The following KCNH1 variants were observed in gnomAD, a reference collection of about 807,000 sequenced individuals.
KCNH1 encodes the protein potassium voltage-gated channel subfamily H member 1, also known as voltage-gated delayed rectifier potassium channel KCNH1.
KCNH1 carries 27 observed loss-of-function variants against 69.2 expected under a neutral mutation model. The ratio of observed to expected loss-of-function variants is 0.39; its 90% CI spans 0.29 to 0.54. KCNH1 has a LOEUF of 0.54. Among genes scored for constraint, KCNH1 ranks in the 20% least tolerant of loss-of-function variants. KCNH1 has a pLI of 0.68. For synonymous variants in KCNH1, 456 were observed against 487.7 expected (o/e 0.93, Z 0.86); for missense variants, 798 against 1,261.6 (o/e 0.63, Z 5.57).
intron 10 of KCNH1, among the ~76,000 whole-genome samples, chr1:210,747,043 A>C (rs1463716882): frequency 2.6e-5 from 4 of 152,186 alleles, no homozygotes; most frequent in Non-Finnish European, 5.9e-5. Context: ...CCAGAAACTT[A>C]TAAGATTTCA....
chr1:210,780,875 G>A (rs1440833812), intron 9 of KCNH1, among the ~76,000 whole-genome samples: 10 of 152,098 alleles, frequency 6.6e-5, no homozygotes, highest in South Asian at 2.1e-4. Context: ...GTGAAACCCC[G>A]TCTCTACTAA....
At chr1:211,100,489 T>G (rs1454152831) in intron 3 of KCNH1, among the ~76,000 whole-genome samples, 1 of 152,062 alleles carries the variant, frequency 6.6e-6, no homozygotes, top group East Asian at 1.9e-4. Flanking sequence ...GTAGCTGGGA[T>G]TACAGGCACC....
chr1:211,033,251 GTCAGGAAACA>G (rs1689827045), intron 5 of KCNH1, among the ~76,000 whole-genome samples: 1 of 152,220 alleles, frequency 6.6e-6, no homozygotes, highest in Non-Finnish European at 1.5e-5. Flanking sequence ...TCATTAAAAA[GTCAGGAAACA>G]GCAGGTGCTG....
chr1:211,055,678 G>A (rs1026465639), intron 5 of KCNH1, among the ~76,000 whole-genome samples: 1 of 152,258 alleles, frequency 6.6e-6, no homozygotes, highest in African/African-American at 2.4e-5. Context: ...TGAGGAGAGG[G>A]GAGAGTAAAA....
At chr1:210,815,509 G>A (rs1684793659) in intron 7 of KCNH1, among the ~76,000 whole-genome samples, 1 of 152,142 alleles carries the variant, frequency 6.6e-6, no homozygotes, top group African/African-American at 2.4e-5. Flanking sequence ...ATTTTTCTAA[G>A]AGATGGTTTA....
intron 5 of KCNH1, among the ~76,000 whole-genome samples, chr1:211,082,475 T>C (rs1690875686): frequency 6.6e-6 from 1 of 152,182 alleles, no homozygotes; most frequent in Non-Finnish European, 1.5e-5. Flanking sequence ...ACAAAATTGT[T>C]TAAAAACTCC....
At chr1:211,051,430 C>T (rs983319519) in intron 5 of KCNH1, among the ~76,000 whole-genome samples, 1 of 152,000 alleles carries the variant, frequency 6.6e-6, no homozygotes, top group African/African-American at 2.4e-5. Context: ...AAGAGGAAGC[C>T]TACCTGGAGT....
At chr1:210,766,226 A>G (rs1210721292) in intron 10 of KCNH1, among the ~76,000 whole-genome samples, 2 of 151,918 alleles carry the variant, frequency 1.3e-5, no homozygotes, top group South Asian at 2.1e-4. Context: ...AAAAAAGCTG[A>G]TCAAGTCAGA....
intron 7 of KCNH1, among the ~76,000 whole-genome samples, chr1:210,862,705 A>C (rs1415113964): frequency 6.6e-6 from 1 of 152,198 alleles, no homozygotes. Flanking sequence ...AGTATTTATG[A>C]GCATCCACTT....
At position 210,903,127 on chromosome 1, in the gene KCNH1, T is replaced by G. The variant is rs568660065; in HGVS notation, c.1462+16513A>C. On this transcript the variant is annotated intron_variant, in intron 7 of 10. Coordinates refer to ENST00000271751, the MANE Select transcript of KCNH1 (RefSeq NM_172362.3). ...CTGCCATCTCTCTTTTTTTTTCATC[T>G]GGCTAACTTAGGTCACAGTAAATGT... Among the ~76,000 whole-genome samples the G allele has an allele frequency of 2.0e-5, 3 of 152,270 alleles. No individual in the cohort carries two copies. The South Asian group carries it at 6.2e-4, about 32-fold the overall frequency.
At chr1:210,925,851 G>A (rs750257672) in intron 6 of KCNH1, among the ~76,000 whole-genome samples, 7 of 152,174 alleles carry the variant, frequency 4.6e-5, no homozygotes, top group Non-Finnish European at 7.3e-5. Context: ...CACCACCTGA[G>A]AAACCTGAAT....
intron 10 of KCNH1, among the ~76,000 whole-genome samples, chr1:210,713,892 T>C (rs1682144705): frequency 6.6e-6 from 1 of 152,162 alleles, no homozygotes; most frequent in Non-Finnish European, 1.5e-5. Context: ...TGAGTGGAGC[T>C]AACAGGAATT....
intron 1 of KCNH1, among the ~76,000 whole-genome samples, chr1:211,115,899 C>T (rs909584090): frequency 1.6e-4 from 25 of 151,804 alleles, no homozygotes; most frequent in Non-Finnish European, 2.9e-4. Context: ...CTTTAAGAGG[C>T]CAAGGTGGGA....
chr1:210,795,796 C>T (rs1190545570), intron 9 of KCNH1, among the ~76,000 whole-genome samples: 1 of 152,036 alleles, frequency 6.6e-6, no homozygotes, highest in Non-Finnish European at 1.5e-5. Flanking sequence ...TCTACCAGTA[C>T]CTGGCAACTT....
chr1:210,915,509 C>T (rs796578210), intron 7 of KCNH1, among the ~76,000 whole-genome samples: 6 of 102,374 alleles, frequency 5.9e-5, no homozygotes, highest in African/African-American at 2.3e-4. Context: ...TATAGTCAGC[C>T]CCTGCCGGAG....
intron 6 of KCNH1, among the ~76,000 whole-genome samples, chr1:210,942,822 T>C (rs1249663547): frequency 6.6e-6 from 1 of 152,092 alleles, no homozygotes; most frequent in Non-Finnish European, 1.5e-5. Flanking sequence ...ATACAATTTA[T>C]ACCTAGGTAT....
chr1:210,734,692 C>T (rs1003481398), intron 10 of KCNH1, among the ~76,000 whole-genome samples: 3 of 152,024 alleles, frequency 2.0e-5, no homozygotes, highest in Non-Finnish European at 2.9e-5. Context: ...TGCCACCCCC[C>T]TTGGCAGCAG....
At chr1:211,035,271 C>T (rs1428829383) in intron 5 of KCNH1, among the ~76,000 whole-genome samples, 6 of 91,542 alleles carry the variant, frequency 6.6e-5, no homozygotes, top group African/African-American at 1.4e-4. Context: ...TTTTTTGAGA[C>T]GGAGTCTCGC....
intron 8 of KCNH1, among the ~76,000 whole-genome samples, chr1:210,802,700 C>T (rs956682354): frequency 5.9e-5 from 9 of 152,282 alleles, no homozygotes; most frequent in Admixed American, 2.0e-4. Context: ...GAATTTATCA[C>T]CCTCTCCATT....
Sources: gnomAD v4.1 joint callset for allele counts (sites outside exome capture counted in the v4.1 genomes callset) on GRCh38, gnomAD v4.1.1 for gene constraint, MANE v1.5 for transcripts, NCBI Gene and HGNC (gene_info 2026-07-23, HGNC 2026-07-21) for gene names.